NOXRED1: variants seen among roughly 807,000 people sequenced by gnomAD.
NOXRED1 encodes NADP-dependent oxidoreductase domain-containing protein 1.
Under a neutral mutation model 30.4 loss-of-function variants are expected in NOXRED1, and 20 were observed. The ratio of observed to expected loss-of-function variants is 0.66; its 90% CI spans 0.46 to 0.96. The LOEUF is 0.96. NOXRED1 is among the 40% of genes least tolerant of loss of function. The pLI, the probability that NOXRED1 is intolerant of heterozygous loss-of-function variation, is 0.00. For missense variants in NOXRED1, 374 were observed against 428.0 expected, an observed-to-expected ratio of 0.87 and a Z score of 1.11; for synonymous variants, 155 against 168.0, an observed-to-expected ratio of 0.92 and a Z score of 0.60.
intron 5 of NOXRED1, 93 bp from the exon 6 acceptor site, chr14:77,394,898 T>A: frequency 1.2e-6 from 1 of 807,602 alleles, no homozygotes; most frequent in Non-Finnish European, 2.0e-6. Context: ...TTTTCCTCAT[T>A]ACCTTTTCAT....
chr14:77,402,197 A>G (rs1418212380), intron 5 of NOXRED1, among the ~76,000 whole-genome samples: 2 of 152,278 alleles, frequency 1.3e-5, no homozygotes, highest in African/African-American at 4.8e-5. Context: ...AAGAATTTAA[A>G]TAACTAAAAC....
upstream of NOXRED1, among the ~76,000 whole-genome samples, chr14:77,424,737 A>G (rs931690486): frequency 1.3e-5 from 2 of 152,124 alleles, no homozygotes; most frequent in Non-Finnish European, 2.9e-5. Context: ...CAGTTGTTAT[A>G]TTTTGTATTA....
chr14:77,408,974 C>T (rs1894565995), intron 2 of NOXRED1, among the ~76,000 whole-genome samples: 1 of 4,348 alleles, frequency 2.3e-4, no homozygotes, highest in Non-Finnish European at 4.7e-4. Flanking sequence ...TCAAGTGATC[C>T]CCCTGCCATA....
intron 5 of NOXRED1, among the ~76,000 whole-genome samples, 177 bp from the exon 6 acceptor site, chr14:77,394,982 A>G (rs564151971): frequency 1.3e-5 from 2 of 151,998 alleles, no homozygotes; most frequent in South Asian, 4.2e-4. Context: ...ATTTAAGTGT[A>G]CTTAATGGTG....
intron 2 of NOXRED1, among the ~76,000 whole-genome samples, chr14:77,410,014 G>C (rs1252016713): frequency 1.3e-5 from 2 of 152,004 alleles, no homozygotes; most frequent in Non-Finnish European, 2.9e-5. Context: ...TGTTGGCCAG[G>C]CTGGTCTCAA....
chr14:77,419,207 G>A (rs1594882155), intron 1 of NOXRED1, among the ~76,000 whole-genome samples: 1 of 151,468 alleles, frequency 6.6e-6, no homozygotes, highest in Admixed American at 6.6e-5. Context: ...CAAGTATCTG[G>A]GATTACAGGT....
At position 77,414,084 on chromosome 14, in the gene NOXRED1, C is replaced by A; in HGVS notation, c.199G>T (p.Gly67Cys). 6.2e-7 allele frequency: 1 copy of A among 1,605,380 alleles called. No individual in the cohort carries two copies. Among genetic ancestry groups the A allele is most frequent in the South Asian group, 1.1e-5 (1 of 89,928 alleles). ...KNQSSRHLSI[G>C]SLNSATPEEF... ...TCAGGAGTGGCTGAATTAAGGGAGC[C>A]AATTGAGAGATGTCTGGAACTTTGA... Residue 67 changes from glycine to cysteine, a missense_variant, in exon 2 of 6, where the codon GGC becomes TGC. By Grantham distance (159) the Gly-to-Cys change is radical. Transcript: ENST00000380835.
rs570898427 is a variant in NOXRED1 at position 77,412,299 on chromosome 14, A to G, written c.349+1635T>C. Among the ~76,000 whole-genome samples the G allele has an allele frequency of 3.9e-5, 6 of 152,246 alleles. No homozygotes were observed. In the East Asian group the frequency reaches 1.2e-3, roughly 29 times the overall value. Reference sequence around the variant, plus strand: ...ACATTAATCTCTTACTAATATAATTAAAATTTTAAATCCTGAGATGAAAAC... The same window carrying G: ...ACATTAATCTCTTACTAATATAATTGAAATTTTAAATCCTGAGATGAAAAC... On this transcript the variant is annotated intron_variant, in intron 2 of 5. Coordinates refer to ENST00000380835, the MANE Select transcript of NOXRED1 (RefSeq NM_001113475.3).
In NOXRED1 at chr14:77,406,624, CACACACACACAGAGAG is replaced by C. The variant is rs770508929; in HGVS notation, c.682+84_682+99del. On this transcript the variant is annotated intron_variant, in intron 4 of 5. Coordinates refer to ENST00000380835, the MANE Select transcript of NOXRED1 (RefSeq NM_001113475.3). ...ACACACACACACACACACACACACACACACACACACAGAGAGAGAGAGATTGATTTAATAAGATAGC... is the reference window on the plus strand; with the variant it reads ...ACACACACACACACACACACACACACAGAGAGATTGATTTAATAAGATAGC... 4.3e-4 allele frequency: 226 copies of C among 523,344 alleles called. 3 individuals are homozygous for C. The African/African-American group carries it at 4.6e-3, about 11-fold the overall frequency. 32.4% of individuals were successfully genotyped at this position (523,344 alleles called of 1,614,324 possible). A position where few individuals can be genotyped will look rare whatever the true frequency, so the allele number is the denominator to read the frequency against.
chr14:77,416,554 G>T (rs911391741), intron 1 of NOXRED1, among the ~76,000 whole-genome samples: 12 of 152,146 alleles, frequency 7.9e-5, no homozygotes, highest in African/African-American at 2.7e-4. Context: ...CAAGGCAGAA[G>T]AATTTTTCTT....
intron 2 of NOXRED1, among the ~76,000 whole-genome samples, chr14:77,413,706 C>G (rs1374318803): frequency 6.6e-6 from 1 of 152,062 alleles, no homozygotes; most frequent in East Asian, 1.9e-4. Context: ...TACTTCACCA[C>G]CAAGGGCACA....
Position 77,406,097 on chromosome 14 carries a change from A to G in NOXRED1, c.721T>C (p.Phe241Leu). The change falls in exon 5 of 6, where the codon TTC (phenylalanine) becomes CTC (leucine). Residue 241 changes from phenylalanine to leucine, a missense_variant. Phe to Leu is a conservative substitution (Grantham distance 22). Transcript: ENST00000380835. ...GTGCATATGTTTAGGGCCGCATAGA[A>G]CACTCCCTCCAACCACTTGATATTG... ...ILNIKWLEGVFYAALNICTAR... is the reference protein window; with the variant it reads ...ILNIKWLEGVLYAALNICTAR... The G allele has an allele frequency of 6.2e-7, 1 of 1,613,732 alleles. No homozygotes were observed.
chr14:77,425,758 G>A (rs1195972452), upstream of NOXRED1, among the ~76,000 whole-genome samples: 1 of 152,236 alleles, frequency 6.6e-6, no homozygotes, highest in African/African-American at 2.4e-5. Context: ...CCAGTAGCAC[G>A]CCTAGTGTGG....
At chr14:77,412,080 G>A (rs991053002) in intron 2 of NOXRED1, among the ~76,000 whole-genome samples, 13 of 136,446 alleles carry the variant, frequency 9.5e-5, no homozygotes, top group African/African-American at 3.6e-4. Context: ...TCCAGCCTAG[G>A]TGACAGAGCA....
At chr14:77,412,471 C>A (rs1894686111) in intron 2 of NOXRED1, among the ~76,000 whole-genome samples, 2 of 152,208 alleles carry the variant, frequency 1.3e-5, no homozygotes, top group South Asian at 4.2e-4. Flanking sequence ...GCTGGGGTAA[C>A]CTTCTACTGT....
At chr14:77,422,654 A>G (rs1379006516) in intron 1 of NOXRED1, 81 bp downstream of exon 1, 3 of 1,404,542 alleles carry the variant, frequency 2.1e-6, no homozygotes, top group African/African-American at 2.8e-5. Context: ...CTTACCCTCC[A>G]ATATAAAAAA....
chr14:77,407,583 C>T lies in NOXRED1; in HGVS notation c.412G>A (p.Asp138Asn), dbSNP rs771297152. Residue 138 changes from aspartate (D) to asparagine (N), a missense_variant, in exon 3 of 6, where the codon GAT becomes AAT. Physicochemically the swap from Asp to Asn is conservative, Grantham distance 23. Transcript: ENST00000380835. ...YHNADLVSWA[D>N]VIFLCCLPSQ... ...GGCAAGCAGCAGAGGAATATCACAT[C>T]GGCCCAACTCACCAGATCAGCGTTA... 6 of 1,613,866 alleles carry T rather than the reference C, an allele frequency of 3.7e-6. No individual in the cohort carries two copies. The highest frequency in any genetic ancestry group is 2.2e-5 in the East Asian group (1 of 44,898).
At chr14:77,416,048 C>T (rs1894813665) in intron 1 of NOXRED1, among the ~76,000 whole-genome samples, 1 of 152,108 alleles carries the variant, frequency 6.6e-6, no homozygotes, top group Non-Finnish European at 1.5e-5. Flanking sequence ...TCTCCCCAGC[C>T]CCTGGAAACT....
At chr14:77,412,802 T>C (rs757316814) in intron 2 of NOXRED1, among the ~76,000 whole-genome samples, 4 of 151,872 alleles carry the variant, frequency 2.6e-5, no homozygotes, top group Admixed American at 6.6e-5. Flanking sequence ...TGTGGGCAAA[T>C]CATTATTTCA....
Sources: gnomAD v4.1 joint callset for allele counts (sites outside exome capture counted in the v4.1 genomes callset) on GRCh38, gnomAD v4.1.1 for gene constraint, MANE v1.5 for transcripts, NCBI Gene and HGNC (gene_info 2026-07-23, HGNC 2026-07-21) for gene names.